Variants in TRDN observed in about 807,000 individuals in gnomAD.
TRDN encodes triadin.
In TRDN, 161 loss-of-function variants were observed where a neutral mutation model predicts 149.7. That is an observed-to-expected ratio of 1.08 (90% confidence interval 0.95 to 1.23). The LOEUF (loss-of-function observed/expected upper bound fraction) is 1.23. TRDN is among the 50% of genes most tolerant of loss of function. TRDN has a pLI of 0.00. For synonymous variants in TRDN, 294 were observed against 250.5 expected (o/e 1.17, Z -1.64); for missense variants, 896 against 823.5 (o/e 1.09, Z -1.08).
intron 9 of TRDN, among the ~76,000 whole-genome samples, chr6:123,486,192 A>C (rs1777961699): frequency 6.6e-6 from 1 of 152,056 alleles, no homozygotes; most frequent in Admixed American, 6.6e-5. Context: ...ACTCTTAGAA[A>C]AATGTTGTAT....
At chr6:123,433,617 A>T (rs558212901) in intron 12 of TRDN, among the ~76,000 whole-genome samples, 1 of 152,208 alleles carries the variant, frequency 6.6e-6, no homozygotes, top group Non-Finnish European at 1.5e-5. Context: ...CTTGTAATTT[A>T]TAGTTCTATA....
chr6:123,350,968 A>T (rs1780440023), intron 21 of TRDN: 2 of 984,968 alleles, frequency 2.0e-6, no homozygotes, highest in Admixed American at 6.2e-5. Flanking sequence ...AATGAAACTG[A>T]CACCAATGTG....
chr6:123,332,562 G>T (rs1369728713), intron 22 of TRDN, among the ~76,000 whole-genome samples: 1 of 151,798 alleles, frequency 6.6e-6, no homozygotes, highest in African/African-American at 2.4e-5. Context: ...CCATATCATG[G>T]GCTCCAGACA....
At chr6:123,493,123 G>A (rs887493346) in intron 9 of TRDN, among the ~76,000 whole-genome samples, 1 of 152,120 alleles carries the variant, frequency 6.6e-6, no homozygotes, top group Non-Finnish European at 1.5e-5. Flanking sequence ...ATTACAAAAT[G>A]TACATACAGG....
chr6:123,588,727 C>T (rs1253125258), intron 1 of TRDN, among the ~76,000 whole-genome samples: 6 of 152,084 alleles, frequency 3.9e-5, no homozygotes, highest in African/African-American at 1.4e-4. Flanking sequence ...AATACCATTA[C>T]ATTAAGGGTA....
intron 21 of TRDN, among the ~76,000 whole-genome samples, chr6:123,346,261 C>T (rs1780241766): frequency 1.3e-5 from 2 of 151,942 alleles, no homozygotes; most frequent in Non-Finnish European, 2.9e-5. Flanking sequence ...TTCTCAAATG[C>T]TTTTACCATT....
intron 38 of TRDN, among the ~76,000 whole-genome samples, chr6:123,242,091 A>G (rs1178947981): frequency 6.6e-6 from 1 of 152,158 alleles, no homozygotes; most frequent in African/African-American, 2.4e-5. Context: ...ATATCTTGCC[A>G]GGGCCATCCC....
intron 2 of TRDN, among the ~76,000 whole-genome samples, chr6:123,565,809 TG>T (rs1476672264): frequency 6.6e-6 from 1 of 152,160 alleles, no homozygotes; most frequent in East Asian, 1.9e-4. Context: ...TGCAGTTCCG[TG>T]GGGGAAAGGC....
At chr6:123,634,728 T>C (rs1301823360) in intron 1 of TRDN, among the ~76,000 whole-genome samples, 1 of 150,850 alleles carries the variant, frequency 6.6e-6, no homozygotes, top group African/African-American at 2.5e-5. Context: ...TAATTTTCAT[T>C]TGAGAAATAT....
intron 12 of TRDN, among the ~76,000 whole-genome samples, chr6:123,423,870 C>T (rs1774007853): frequency 3.3e-5 from 5 of 152,082 alleles, no homozygotes; most frequent in Non-Finnish European, 5.9e-5. Context: ...AATAAATCAT[C>T]TTCCTTTTTT....
In TRDN at chr6:123,266,307, T is replaced by G. The variant is rs1433091503; in HGVS notation, c.1784-969A>C. 4.6e-5 allele frequency among the ~76,000 whole-genome samples: 5 copies of G among 109,216 alleles called. No homozygotes were observed. In the East Asian group the frequency reaches 7.2e-4, roughly 16 times the overall value. 71.6% of individuals were successfully genotyped at this position (109,216 alleles called of 152,430 possible). A position where few individuals can be genotyped will look rare whatever the true frequency, so the allele number is the denominator to read the frequency against. On this transcript the variant is annotated intron_variant, in intron 32 of 40. Transcript: ENST00000334268. ...ATATGTAATATGTATTATATATAATTATATGTAATATGTATTATATATTAT... is the reference window on the plus strand; with the variant it reads ...ATATGTAATATGTATTATATATAATGATATGTAATATGTATTATATATTAT...
chr6:123,289,297 T>G (rs1057057834), intron 24 of TRDN, among the ~76,000 whole-genome samples: 4 of 151,452 alleles, frequency 2.6e-5, no homozygotes, highest in African/African-American at 9.7e-5. Context: ...AAACAGAGAA[T>G]AGGAAGGTGG....
In TRDN at chr6:123,261,510, TA is replaced by T. The variant is rs1305082299; in HGVS notation, c.1805-873del. 1.3e-4 allele frequency among the ~76,000 whole-genome samples: 20 copies of T among 151,774 alleles called. 1 individual carries two copies. Among genetic ancestry groups the T allele is most frequent in the Admixed American group, 4.0e-4 (6 of 15,180 alleles). On this transcript the variant is annotated intron_variant, in intron 33 of 40. Coordinates refer to ENST00000334268, the MANE Select transcript of TRDN (RefSeq NM_006073.4). ...TAAGTATAACCTGGAAAGTTTTTTT[TA>T]AAAAAAACTTTGTGTCACAAATAAT...
intron 23 of TRDN, among the ~76,000 whole-genome samples, chr6:123,317,311 C>T (rs1038134050): frequency 2.6e-5 from 4 of 151,674 alleles, no homozygotes; most frequent in African/African-American, 9.7e-5. Flanking sequence ...AGTTTTCCTC[C>T]CTCCAAACAG....
At chr6:123,557,379 G>A (rs959088799) in intron 2 of TRDN, among the ~76,000 whole-genome samples, 2 of 152,036 alleles carry the variant, frequency 1.3e-5, no homozygotes, top group African/African-American at 4.8e-5. Flanking sequence ...AGACTAACCA[G>A]CCCAAGGAAC....
chr6:123,328,138 A>T (rs1362037785), intron 23 of TRDN, among the ~76,000 whole-genome samples: 2 of 152,214 alleles, frequency 1.3e-5, no homozygotes, highest in East Asian at 3.9e-4. Context: ...AATCCTGACT[A>T]GCCAACACAA....
At chr6:123,561,671 A>C (rs1782008951) in intron 2 of TRDN, among the ~76,000 whole-genome samples, 1 of 152,104 alleles carries the variant, frequency 6.6e-6, no homozygotes, top group Non-Finnish European at 1.5e-5. Context: ...TTAGTTTTTC[A>C]ATTCATACAA....
Position 123,255,919 on chromosome 6 carries a change from G to C in TRDN, c.1871-17C>G. On this transcript the variant is annotated splice_polypyrimidine_tract_variant and intron_variant, in intron 35 of 40. Transcript: ENST00000334268. ...CTGCTTTTTCTGTATAGAAGAAACA[G>C]TAACAGGGTAATTTATTTTTTTATT... 7 of 1,248,132 alleles carry C rather than the reference G, an allele frequency of 5.6e-6. No homozygotes were observed. Among genetic ancestry groups the C allele is most frequent in the Non-Finnish European group, 7.2e-6 (7 of 968,600 alleles). The allele number at this position is 1,248,132 out of a possible 1,614,324, so 77.3% of individuals were successfully genotyped here.
At chr6:123,554,932 G>A (rs1781571915) in intron 2 of TRDN, among the ~76,000 whole-genome samples, 2 of 152,080 alleles carry the variant, frequency 1.3e-5, no homozygotes, top group African/African-American at 4.8e-5. Context: ...TAAGGTTATA[G>A]GGTAGAAATG....
Sources: gnomAD v4.1 joint callset for allele counts (sites outside exome capture counted in the v4.1 genomes callset) on GRCh38, gnomAD v4.1.1 for gene constraint, MANE v1.5 for transcripts, NCBI Gene and HGNC (gene_info 2026-07-23, HGNC 2026-07-21) for gene names.